The following ZFP91 variants were observed in gnomAD, a reference collection of about 807,000 sequenced individuals.
ZFP91 encodes the protein ZFP91 zinc finger protein, atypical E3 ubiquitin ligase.
In ZFP91, 7 loss-of-function variants were observed where a neutral mutation model predicts 63.5. The observed-to-expected ratio is 0.11, with a 90% CI of 0.06 to 0.21. The LOEUF is 0.21. ZFP91 is among the 10% of genes least tolerant of loss of function. ZFP91 has a pLI of 1.00. For synonymous variants in ZFP91, 330 were observed against 272.1 expected (o/e 1.21, Z -2.10); for missense variants, 628 against 736.6 (o/e 0.85, Z 1.71).
At chr11:58,590,998 CAT>C (rs1225944711) in intron 2 of ZFP91, among the ~76,000 whole-genome samples, 1 of 151,572 alleles carries the variant, frequency 6.6e-6, no homozygotes, top group East Asian at 1.9e-4. Context: ...TATTATAAGA[CAT>C]ATACATGTAC....
Position 58,618,919 on chromosome 11 carries a change from A to C in ZFP91, c.*1213A>C, listed in dbSNP as rs1855800056. The C allele has an allele frequency of 4.7e-6, 1 of 211,964 alleles. No homozygotes were observed. The highest frequency in any genetic ancestry group is 2.4e-5 in the African/African-American group (1 of 42,152). The allele number at this position is 211,964 out of a possible 1,614,324, so 13.1% of individuals were successfully genotyped here. A position where few individuals can be genotyped will look rare whatever the true frequency, so the allele number is the denominator to read the frequency against. On this transcript the variant is annotated 3_prime_UTR_variant, in exon 11 of 11. Coordinates refer to ENST00000316059, the MANE Select transcript of ZFP91 (RefSeq NM_053023.5). ...GGGTTGTTCAGAATCTAAATTACAG[A>C]TAGATGATTGTTTCTTGTGAATTTG...
intron 1 of ZFP91, among the ~76,000 whole-genome samples, chr11:58,583,813 T>A (rs768521229): frequency 6.6e-6 from 1 of 152,068 alleles, no homozygotes; most frequent in Non-Finnish European, 1.5e-5. Flanking sequence ...CTAAGTAGAA[T>A]AGATTTTTGT....
At chr11:58,579,745 GC>G (rs35867246) in intron 1 of ZFP91, 123 bp downstream of exon 1, 1 of 928,572 alleles carries the variant, frequency 1.1e-6, no homozygotes, top group Non-Finnish European at 1.5e-6. Flanking sequence ...GGCTCCGCAC[GC>G]CAGATGTCAC....
At chr11:58,593,116 C>CA (rs1448912709) in intron 2 of ZFP91, among the ~76,000 whole-genome samples, 1 of 152,212 alleles carries the variant, frequency 6.6e-6, no homozygotes, top group Non-Finnish European at 1.5e-5. Flanking sequence ...GATCACATTT[C>CA]AACATGAGAT....
At chr11:58,581,903 A>T (rs1056842407) in intron 1 of ZFP91, among the ~76,000 whole-genome samples, 2 of 152,186 alleles carry the variant, frequency 1.3e-5, no homozygotes, top group African/African-American at 4.8e-5. Flanking sequence ...CCCGCCTCCC[A>T]TCCAATATCA....
Position 58,619,252 on chromosome 11 carries a change from A to C in ZFP91, c.*1546A>C, listed in dbSNP as rs1030876255. ...TTCTGGGCATCACAATTTCCTTGGG[A>C]TAGAGGTTGTGTTGGGGAATAGATT... On this transcript the variant is annotated 3_prime_UTR_variant, in exon 11 of 11. Transcript: ENST00000316059. The C allele has an allele frequency of 6.6e-6, 1 of 152,374 alleles. No homozygotes were observed. Among genetic ancestry groups the C allele is most frequent in the African/African-American group, 2.4e-5 (1 of 41,414 alleles). 9.4% of individuals were successfully genotyped at this position (152,374 alleles called of 1,614,324 possible).
chr11:58,611,460 G>C, intron 5 of ZFP91, 144 bp from the exon 6 acceptor site: 1 of 1,090,146 alleles, frequency 9.2e-7, no homozygotes, highest in Non-Finnish European at 1.3e-6. Flanking sequence ...ATGCATGTGA[G>C]GATGATTGGT....
intron 4 of ZFP91, among the ~76,000 whole-genome samples, chr11:58,610,715 T>G (rs1855645881): frequency 6.6e-6 from 1 of 152,220 alleles, no homozygotes; most frequent in African/African-American, 2.4e-5. Flanking sequence ...TTTCTTAACT[T>G]TTAATGCCAT....
At position 58,579,497 on chromosome 11, in the gene ZFP91, G is replaced by A. The variant is rs2134381288; in HGVS notation, c.216G>A (p.Arg72=). 1 of 1,528,548 alleles carries A rather than the reference G, an allele frequency of 6.5e-7. No individual in the cohort carries two copies. The highest frequency in any genetic ancestry group is 8.7e-7 in the Non-Finnish European group (1 of 1,143,204). 94.7% of individuals were successfully genotyped at this position (1,528,548 alleles called of 1,614,324 possible). ...AAAAAAVSRR[R]KAEYPRRRRS... is the part of the protein sequence containing the mutation. ...CCGCCGCAGCTGTGTCCCGCCGGAG[G>A]AAGGCCGAGTATCCCCGCCGGCGGA... The change falls in exon 1 of 11, where the codon AGG becomes AGA. Residue 72 remains arginine (R), a synonymous_variant. Coordinates refer to ENST00000316059, the MANE Select transcript of ZFP91 (RefSeq NM_053023.5).
chr11:58,602,396 C>T (rs983396528), intron 2 of ZFP91, among the ~76,000 whole-genome samples: 1 of 151,722 alleles, frequency 6.6e-6, no homozygotes, highest in Non-Finnish European at 1.5e-5. Flanking sequence ...TGTTTCTCTT[C>T]AGTTCTGTAA....
Position 58,612,769 on chromosome 11 carries a change from C to A in ZFP91, c.916C>A (p.Pro306Thr). The change falls in exon 8 of 11, where the codon CCT (proline) becomes ACT (threonine). Residue 306 changes from proline to threonine, a missense_variant. Pro to Thr is a conservative substitution (Grantham distance 38). Coordinates refer to ENST00000316059, the MANE Select transcript of ZFP91 (RefSeq NM_053023.5). ...SPRLPKRRKK[P>T]PIQYVRCEME... ...TCTGCATTTTGATAATAGAAAAAAG[C>A]CTCCAATCCAGTATGTCCGTTGTGA... The A allele has an allele frequency of 6.2e-7, 1 of 1,604,556 alleles. No individual in the cohort carries two copies. The highest frequency in any genetic ancestry group is 1.7e-5 in the Admixed American group (1 of 57,954).
rs1855761574 is a variant in ZFP91 at position 58,617,073 on chromosome 11, TG to T, written c.1203-122del. The T allele has an allele frequency of 4.9e-6, 3 of 611,356 alleles. No homozygotes were observed. Among genetic ancestry groups the T allele is most frequent in the South Asian group, 2.5e-5 (1 of 40,538 alleles). The allele number at this position is 611,356 out of a possible 1,614,324, so 37.9% of individuals were successfully genotyped here. On this transcript the variant is annotated intron_variant, in intron 10 of 10. Transcript: ENST00000316059. This position sits in a 1 kb window ranked among gnomAD's most constrained non-coding sequence, Gnocchi z 4.2. ...AAAAGAAGTATGTTACTGATTATTG[TG>T]TGTGTGTGTGTGTGTGTGTGTGTGT...
At chr11:58,596,433 TATC>T (rs747984895) in intron 2 of ZFP91, among the ~76,000 whole-genome samples, 45 of 152,342 alleles carry the variant, frequency 3.0e-4, no homozygotes, top group Non-Finnish European at 3.8e-4. Context: ...TCAGGGCAGA[TATC>T]ATAGAAGGGT....
chr11:58,584,742 A>G, intron 1 of ZFP91, 114 bp from the exon 2 acceptor site: 1 of 932,440 alleles, frequency 1.1e-6, no homozygotes, highest in Non-Finnish European at 1.5e-6. Flanking sequence ...TCTGTAGGAC[A>G]ACACTAGTCT....
rs1334351429 is a variant in ZFP91, at chr11:58,579,636, T to G, written c.341+14T>G. 6.5e-7 allele frequency: 1 copy of G among 1,540,516 alleles called. No individual in the cohort carries two copies. Among genetic ancestry groups the G allele is most frequent in the Non-Finnish European group, 8.7e-7 (1 of 1,151,162 alleles). ...TCCGCGACTCCTGTGAGTAACAGTC[T>G]TTCAGGCGGTGGGAAAGACCCCCCT... On this transcript the variant is annotated intron_variant, in intron 1 of 10. Coordinates refer to ENST00000316059, the MANE Select transcript of ZFP91 (RefSeq NM_053023.5).
chr11:58,601,987 T>C (rs1425197228), intron 2 of ZFP91, among the ~76,000 whole-genome samples: 2 of 152,106 alleles, frequency 1.3e-5, no homozygotes, highest in Non-Finnish European at 2.9e-5. Flanking sequence ...AGTGGTGTGA[T>C]CTTGGCTCAA....
intron 2 of ZFP91, among the ~76,000 whole-genome samples, chr11:58,585,407 A>G (rs1464616584): frequency 1.3e-5 from 2 of 152,166 alleles, no homozygotes; most frequent in African/African-American, 4.8e-5. Context: ...AACTTTTAAA[A>G]TACTTTATTC....
intron 8 of ZFP91, among the ~76,000 whole-genome samples, chr11:58,613,442 T>C (rs147176349): frequency 5.3e-5 from 8 of 152,278 alleles, no homozygotes; most frequent in African/African-American, 1.9e-4. Flanking sequence ...TTCCAACACA[T>C]GAACTGTGGT....
At position 58,617,032 on chromosome 11, in the gene ZFP91, C is replaced by T. The variant is rs994163286; in HGVS notation, c.1203-164C>T. On this transcript the variant is annotated intron_variant, in intron 10 of 10. Coordinates refer to ENST00000316059, the MANE Select transcript of ZFP91 (RefSeq NM_053023.5). The surrounding 1 kb of genome is among the most constrained non-coding windows in gnomAD (Gnocchi z 4.2). ...ATCAGATTAGTTTTCCATCTAGTAA[C>T]ATTTCCCAATCCTTCAAAAGAAGTA... 2.6e-5 allele frequency among the ~76,000 whole-genome samples: 4 copies of T among 151,632 alleles called. No individual in the cohort carries two copies. The highest frequency in any genetic ancestry group is 9.7e-5 in the African/African-American group (4 of 41,230).
Sources: gnomAD v4.1 joint callset for allele counts (sites outside exome capture counted in the v4.1 genomes callset) on GRCh38, gnomAD v4.1.1 for gene constraint, Gnocchi (gnomAD v3.1) non-coding constraint, MANE v1.5 for transcripts, NCBI Gene and HGNC (gene_info 2026-07-23, HGNC 2026-07-21) for gene names.